The following SEMA3A variants were observed in gnomAD, a reference collection of about 807,000 sequenced individuals.
SEMA3A encodes the protein semaphorin 3A, also known as semaphorin-3A.
SEMA3A carries 29 observed loss-of-function variants against 97.9 expected under a neutral mutation model. The ratio of observed to expected loss-of-function variants is 0.30; its 90% CI spans 0.22 to 0.40. The LOEUF (loss-of-function observed/expected upper bound fraction) is 0.40. SEMA3A is among the 10% of genes least tolerant of loss of function. SEMA3A has a pLI of 1.00. For missense variants in SEMA3A, 763 were observed against 951.3 expected (o/e 0.80, Z 2.60); for synonymous variants, 321 against 323.7 (o/e 0.99, Z 0.09).
chr7:84,010,141 G>C (rs1187774023), intron 9 of SEMA3A, among the ~76,000 whole-genome samples: 1 of 151,750 alleles, frequency 6.6e-6, no homozygotes, highest in Non-Finnish European at 1.5e-5. Context: ...ACTAAATGGA[G>C]CCTCAGGGAA....
chr7:84,198,613 T>C (rs182852043), upstream of SEMA3A, among the ~76,000 whole-genome samples: 22 of 152,362 alleles, frequency 1.4e-4, no homozygotes, highest in East Asian at 3.3e-3. Flanking sequence ...ACAATTTACA[T>C]AGTGTACTAT....
At chr7:84,264,797 T>G (rs193158332) in intron 3 of SEMA3A, among the ~76,000 whole-genome samples, 15 of 152,292 alleles carry the variant, frequency 9.8e-5, no homozygotes, top group Admixed American at 9.1e-4. Context: ...CAGTGAAACT[T>G]TAGGTACCAA....
At chr7:84,407,412 G>A (rs1174577578) in intron 1 of SEMA3A, among the ~76,000 whole-genome samples, 4 of 152,034 alleles carry the variant, frequency 2.6e-5, no homozygotes, top group African/African-American at 9.7e-5. Flanking sequence ...ACAAATGGAA[G>A]AACATTCCAT....
chr7:84,185,385 G>C (rs1283697018), intron 1 of SEMA3A, among the ~76,000 whole-genome samples: 1 of 150,314 alleles, frequency 6.7e-6, no homozygotes, highest in African/African-American at 2.5e-5. Context: ...ATAATAAGGG[G>C]CTGGGTGTGG....
intron 14 of SEMA3A, among the ~76,000 whole-genome samples, chr7:83,980,656 A>C (rs1789376850): frequency 6.8e-6 from 1 of 146,436 alleles, no homozygotes; most frequent in African/African-American, 2.5e-5. Flanking sequence ...ACACACACAT[A>C]TACATATATA....
At chr7:83,997,217 A>T (rs549284212) in intron 12 of SEMA3A, among the ~76,000 whole-genome samples, 1 of 152,224 alleles carries the variant, frequency 6.6e-6, no homozygotes, top group Non-Finnish European at 1.5e-5. Context: ...AATATCAGAT[A>T]CTACCATGAC....
At chr7:84,012,055 G>A (rs1458803749) in intron 7 of SEMA3A, among the ~76,000 whole-genome samples, 2 of 152,108 alleles carry the variant, frequency 1.3e-5, no homozygotes, top group African/African-American at 2.4e-5. Context: ...GATGCAGAGA[G>A]TAGAATGGTG....
chr7:84,081,367 C>T (rs186324731), intron 4 of SEMA3A, among the ~76,000 whole-genome samples: 708 of 151,934 alleles, frequency 4.7e-3, no homozygotes, highest in Non-Finnish European at 6.8e-3. Context: ...CCAAGGAGGG[C>T]GGATCACGAG....
At chr7:84,404,699 G>T (rs1306640166) in intron 1 of SEMA3A, among the ~76,000 whole-genome samples, 1 of 152,156 alleles carries the variant, frequency 6.6e-6, no homozygotes, top group Admixed American at 6.5e-5. Context: ...TGATCTCTTG[G>T]CAGAAACTCT....
intron 12 of SEMA3A, among the ~76,000 whole-genome samples, chr7:83,992,915 G>T (rs1467747949): frequency 1.3e-5 from 2 of 150,164 alleles, no homozygotes; most frequent in African/African-American, 4.9e-5. Context: ...GTTGACACTG[G>T]GGTGTTAAAG....
intron 3 of SEMA3A, among the ~76,000 whole-genome samples, chr7:84,211,712 A>G (rs1798632590): frequency 6.6e-6 from 1 of 152,206 alleles, no homozygotes; most frequent in Admixed American, 6.5e-5. Flanking sequence ...AGGTGTGAAT[A>G]TGCCTGAGGA....
intron 6 of SEMA3A, among the ~76,000 whole-genome samples, chr7:84,020,737 ATTTTGTTTTCT>A (rs1791298215): frequency 1.3e-5 from 2 of 152,022 alleles, no homozygotes; most frequent in African/African-American, 4.8e-5. Context: ...TATGGTTTTC[ATTTTGTTTTCT>A]TGTTTTATAA....
chr7:84,412,001 T>C (rs920141504), intron 1 of SEMA3A, among the ~76,000 whole-genome samples: 7 of 152,172 alleles, frequency 4.6e-5, no homozygotes, highest in Non-Finnish European at 7.3e-5. Flanking sequence ...CTACAAATTC[T>C]ACAACACTTC....
chr7:84,177,576 C>T (rs1797608677), intron 1 of SEMA3A, among the ~76,000 whole-genome samples: 1 of 151,880 alleles, frequency 6.6e-6, no homozygotes, highest in Non-Finnish European at 1.5e-5. Flanking sequence ...ATTTATTATG[C>T]TCACTTTTTA....
intron 3 of SEMA3A, among the ~76,000 whole-genome samples, chr7:84,297,824 A>G (rs1032172637): frequency 4.6e-5 from 7 of 152,306 alleles, no homozygotes; most frequent in Admixed American, 2.0e-4. Context: ...ACAGGGATAT[A>G]GTTTTAATGA....
intron 3 of SEMA3A, among the ~76,000 whole-genome samples, chr7:84,219,614 C>A (rs968714769): frequency 6.6e-6 from 1 of 152,158 alleles, no homozygotes; most frequent in African/African-American, 2.4e-5. Context: ...AGTTTGAAAG[C>A]ATTATGTCTA....
intron 2 of SEMA3A, among the ~76,000 whole-genome samples, chr7:84,310,780 G>A (rs1237478013): frequency 1.3e-5 from 2 of 151,952 alleles, no homozygotes; most frequent in African/African-American, 4.8e-5. Context: ...AAGATTTAAA[G>A]CTGTTATTAA....
chr7:84,054,866 G>T (rs556169564), intron 5 of SEMA3A, among the ~76,000 whole-genome samples: 6 of 150,756 alleles, frequency 4.0e-5, no homozygotes, highest in Admixed American at 3.3e-4. Flanking sequence ...TGATGGTGAT[G>T]CACAGATGGG....
chr7:84,191,918 T>C (rs1234708739), intron 1 of SEMA3A, among the ~76,000 whole-genome samples: 1 of 151,886 alleles, frequency 6.6e-6, no homozygotes, highest in Non-Finnish European at 1.5e-5. Context: ...TTATTAGATA[T>C]GTACACCCGC....
Sources: gnomAD v4.1 joint callset for allele counts (sites outside exome capture counted in the v4.1 genomes callset) on GRCh38, gnomAD v4.1.1 for gene constraint, MANE v1.5 for transcripts, NCBI Gene and HGNC (gene_info 2026-07-23, HGNC 2026-07-21) for gene names.